Variants in UTP11 observed in about 807,000 individuals in gnomAD.
The protein encoded by UTP11 is UTP11 small subunit processome component, also known as probable U3 small nucleolar RNA-associated protein 11.
A neutral mutation model predicts 39.0 loss-of-function variants in UTP11; 29 were observed. That is an observed-to-expected ratio of 0.74 (90% confidence interval 0.55 to 1.01). UTP11 has a LOEUF of 1.01. Ranked by LOEUF, UTP11 falls within the 50% of genes least tolerant of loss-of-function variation. The pLI, the probability that UTP11 is intolerant of heterozygous loss-of-function variation, is 0.00. For synonymous variants in UTP11, 111 were observed against 105.0 expected, an observed-to-expected ratio of 1.06 and a Z score of -0.35; for missense variants, 281 against 306.0, an observed-to-expected ratio of 0.92 and a Z score of 0.61.
chr1:38,017,621 T>C (rs755513174), intron 2 of UTP11, 47 bp from the exon 3 acceptor site: 3 of 1,363,230 alleles, frequency 2.2e-6, no homozygotes, highest in African/African-American at 1.8e-5. Context: ...TTTAAAATTA[T>C]CTATTTTTTT....
In UTP11 at chr1:38,024,323, T is replaced by C. The variant is rs1646753297; in HGVS notation, c.*695T>C. 1 of 152,192 alleles carries C rather than the reference T, an allele frequency of 6.6e-6. No individual in the cohort carries two copies. Among genetic ancestry groups the C allele is most frequent in the Non-Finnish European group, 1.5e-5 (1 of 68,032 alleles). The allele number at this position is 152,192 out of a possible 1,614,324, so 9.4% of individuals were successfully genotyped here. On this transcript the variant is annotated 3_prime_UTR_variant, in exon 8 of 8. Transcript: ENST00000373014. ...GTAGTCTAGTTGATTTCCTCCATTT[T>C]GTAAAACGAGGCATCACTTTTTGTC...
intron 1 of UTP11, among the ~76,000 whole-genome samples, chr1:38,014,743 CT>C (rs1170706447): frequency 6.6e-6 from 1 of 152,090 alleles, no homozygotes; most frequent in Non-Finnish European, 1.5e-5. Flanking sequence ...TCAAGCCATT[CT>C]TTTGCCTCAG....
chr1:38,022,915 T>C (rs1646746783), intron 7 of UTP11, 106 bp downstream of exon 7: 4 of 748,480 alleles, frequency 5.3e-6, no homozygotes, highest in Non-Finnish European at 6.6e-6. Flanking sequence ...TCAACCCCAG[T>C]GAAAATGTCT....
rs371776768 is a variant in UTP11 at position 38,019,076 on chromosome 1, A to G, written c.360A>G (p.Lys120=). The G allele has an allele frequency of 5.5e-5, 89 of 1,614,002 alleles. No homozygotes were observed. The African/African-American group carries it at 1.1e-3, about 20-fold the overall frequency. The part of the protein sequence containing the change: ...VAEAKKIERL[K]SELHLLDFQG... ...TGTTCTAGAAAATCGAAAGACTAAA[A>G]TCAGAGCTCCATCTGCTGGATTTCC... is the stretch of plus-strand genomic sequence containing the variant. The change falls in exon 5 of 8, where the codon AAA becomes AAG. Residue 120 remains lysine (K), a synonymous_variant. Coordinates refer to ENST00000373014, the MANE Select transcript of UTP11 (RefSeq NM_016037.4).
Position 38,017,743 on chromosome 1 carries a change from C to A in UTP11, c.201C>A (p.Tyr67Ter). The A allele has an allele frequency of 2.5e-6, 4 of 1,608,726 alleles. No individual in the cohort carries two copies. Among genetic ancestry groups the A allele is most frequent in the Non-Finnish European group, 3.4e-6 (4 of 1,177,426 alleles). ...KALEKNPDEF[Y>*]YKMTRVKLQD... ...TTGAAAAAAATCCAGATGAATTCTA[C>A]TACAAAATGACTCGGGTTAAACTCC... The change falls in exon 3 of 8, where the codon TAC (tyrosine) becomes TAA (stop). Residue 67 changes from tyrosine to a stop codon, truncating the protein, a stop_gained. Transcript: ENST00000373014. LOFTEE classifies it high-confidence loss of function.
At position 38,019,267 on chromosome 1, in the gene UTP11, G is replaced by A. The variant is rs1351835924; in HGVS notation, c.451G>A (p.Val151Ile). 4 of 1,614,096 alleles carry A rather than the reference G, an allele frequency of 2.5e-6. No individual in the cohort carries two copies. Among genetic ancestry groups the A allele is most frequent in the Admixed American group, 1.7e-5 (1 of 60,020 alleles). The change falls in exon 6 of 8, where the codon GTC becomes ATC. Residue 151 changes from valine to isoleucine, a missense_variant. Coordinates refer to ENST00000373014, the MANE Select transcript of UTP11 (RefSeq NM_016037.4). Reference sequence around the variant, plus strand: ...TTGAATTTTAGTTGAACAGTTTGATGTCGCAACTCACCTGCAAACAGCCCC... The same window carrying A: ...TTGAATTTTAGTTGAACAGTTTGATATCGCAACTCACCTGCAAACAGCCCC... ...DTKKEVEQFD[V>I]ATHLQTAPEL...
At chr1:38,012,979 G>C (rs1415773687) in intron 1 of UTP11, 114 bp downstream of exon 1, 37 of 1,242,822 alleles carry the variant, frequency 3.0e-5, no homozygotes, top group South Asian at 1.7e-4. Flanking sequence ...ATAAATGCAC[G>C]TAAATGTATG....
At chr1:38,019,728 C>T (rs1006885529) in intron 6 of UTP11, among the ~76,000 whole-genome samples, 1 of 152,132 alleles carries the variant, frequency 6.6e-6, no homozygotes, top group African/African-American at 2.4e-5. Context: ...AGTTGATCTG[C>T]CTGCCTTGGC....
intron 3 of UTP11, among the ~76,000 whole-genome samples, 193 bp from the exon 4 acceptor site, chr1:38,018,271 A>G (rs1448468658): frequency 6.6e-6 from 1 of 151,978 alleles, no homozygotes; most frequent in East Asian, 1.9e-4. Context: ...GGGTTTCACC[A>G]TGTTGGTCAG....
intron 6 of UTP11, among the ~76,000 whole-genome samples, chr1:38,022,245 G>A (rs1474852590): frequency 6.6e-6 from 1 of 152,236 alleles, no homozygotes. Flanking sequence ...ATTTGTGAGA[G>A]GGGGACGGTC....
chr1:38,022,850 C>A, intron 7 of UTP11, 41 bp downstream of exon 7: 2 of 1,359,046 alleles, frequency 1.5e-6, no homozygotes, highest in East Asian at 2.4e-5. Flanking sequence ...TTTTTTTTCC[C>A]CCTTTTCTTT....
intron 6 of UTP11, 28 bp downstream of exon 6, chr1:38,019,411 T>C: frequency 6.3e-7 from 1 of 1,580,324 alleles, no homozygotes; most frequent in Admixed American, 1.8e-5. Context: ...TCTTCACATG[T>C]GAGCTTAGGG....
rs72930846 is a variant in UTP11 at position 38,018,215 on chromosome 1, A to G, written c.229-249A>G. On this transcript the variant is annotated intron_variant, in intron 3 of 7. Coordinates refer to ENST00000373014, the MANE Select transcript of UTP11 (RefSeq NM_016037.4). ...CCTCTCGAGTAGCTGAACTACAGGC[A>G]CACACTACTGTGCCCGGCTAAGTTT... Among the ~76,000 whole-genome samples the G allele has an allele frequency of 5.0e-3, 764 of 152,114 alleles. 4 individuals are homozygous for G. Among genetic ancestry groups the G allele is most frequent in the African/African-American group, 0.017 (701 of 41,502 alleles).
rs368236207 is a variant in UTP11, at chr1:38,019,166, G to A, written c.436+14G>A. On this transcript the variant is annotated intron_variant, in intron 5 of 7. Coordinates refer to ENST00000373014, the MANE Select transcript of UTP11 (RefSeq NM_016037.4). ...CCAAAAAGGAAGGTATGAAATGTTT[G>A]AAGGTTTCTGGGACAGTCTACCATG... 598 of 1,613,814 alleles carry A rather than the reference G, an allele frequency of 3.7e-4. 3 individuals carry two copies. Among genetic ancestry groups the A allele is most frequent in the Non-Finnish European group, 4.7e-4 (556 of 1,179,954 alleles).
intron 6 of UTP11, 49 bp from the exon 7 acceptor site, chr1:38,022,650 T>C: frequency 2.3e-6 from 3 of 1,318,668 alleles, no homozygotes; most frequent in Non-Finnish European, 3.3e-6. Flanking sequence ...TTCTTACTCA[T>C]TTTTGTCCTG....
chr1:38,023,316 T>A (rs1646748639), intron 7 of UTP11, among the ~76,000 whole-genome samples: 1 of 152,202 alleles, frequency 6.6e-6, no homozygotes, highest in Non-Finnish European at 1.5e-5. Flanking sequence ...AACAACTACT[T>A]GAACACCTTT....
intron 1 of UTP11, among the ~76,000 whole-genome samples, chr1:38,013,711 A>G (rs1409232597): frequency 6.6e-6 from 1 of 151,044 alleles, no homozygotes; most frequent in African/African-American, 2.4e-5. Context: ...GCTTAATAGC[A>G]TATATCAAAC....
At chr1:38,014,818 T>G (rs1439820269) in intron 1 of UTP11, among the ~76,000 whole-genome samples, 2 of 152,072 alleles carry the variant, frequency 1.3e-5, no homozygotes, top group Non-Finnish European at 2.9e-5. Flanking sequence ...TTTTATTTTT[T>G]TAATTTGTAG....
In UTP11 at chr1:38,022,727, A is replaced by G. The variant is rs1176983302; in HGVS notation, c.596A>G (p.Tyr199Cys). Reference sequence around the variant, plus strand: ...ATAGCTAAAGAAAGGCAAAAGCAGTATAACTGCCTGACACAGCGGATTGAA... The same window carrying G: ...ATAGCTAAAGAAAGGCAAAAGCAGTGTAACTGCCTGACACAGCGGATTGAA... ...KRIAKERQKQ[Y>C]NCLTQRIERE... Residue 199 changes from tyrosine (Y) to cysteine (C), a missense_variant, in exon 7 of 8, where the codon TAT (tyrosine) becomes TGT (cysteine). Physicochemically the swap from Tyr to Cys is radical, Grantham distance 194 (BLOSUM62 -2). Coordinates refer to ENST00000373014, the MANE Select transcript of UTP11 (RefSeq NM_016037.4). 14 of 1,613,920 alleles carry G rather than the reference A, an allele frequency of 8.7e-6. No homozygotes were observed. The highest frequency in any genetic ancestry group is 5.3e-5 in the African/African-American group (4 of 74,942).
Sources: gnomAD v4.1 joint callset for allele counts (sites outside exome capture counted in the v4.1 genomes callset) on GRCh38, gnomAD v4.1.1 for gene constraint, MANE v1.5 for transcripts, NCBI Gene and HGNC (gene_info 2026-07-23, HGNC 2026-07-21) for gene names.